The following ROBO1 variants were observed in gnomAD, a reference collection of about 807,000 sequenced individuals.
ROBO1 encodes roundabout guidance receptor 1.
ROBO1 carries 149 observed loss-of-function variants against 195.9 expected under a neutral mutation model. The ratio of observed to expected loss-of-function variants is 0.76; its 90% CI spans 0.67 to 0.87. The LOEUF is 0.87. Among genes scored for constraint, ROBO1 ranks in the 40% least tolerant of loss-of-function variants. ROBO1 has a pLI of 0.00. For missense variants in ROBO1, 1,933 were observed against 2,068.3 expected (o/e 0.93, Z 1.27); for synonymous variants, 816 against 733.2 (o/e 1.11, Z -1.82).
At chr3:79,149,086 G>C (rs1029252092) in intron 2 of ROBO1, among the ~76,000 whole-genome samples, 3 of 151,820 alleles carry the variant, frequency 2.0e-5, no homozygotes, top group Non-Finnish European at 2.9e-5. Flanking sequence ...CCTCAATGTT[G>C]AGAGTACTTA....
chr3:79,724,923 G>A (rs1158515493), intron 1 of ROBO1, among the ~76,000 whole-genome samples: 1 of 152,134 alleles, frequency 6.6e-6, no homozygotes, highest in African/African-American at 2.4e-5. Context: ...CTGAAGTGAT[G>A]GAACCCTATC....
intron 4 of ROBO1, among the ~76,000 whole-genome samples, chr3:78,913,258 A>C (rs984011533): frequency 6.6e-6 from 1 of 152,098 alleles, no homozygotes; most frequent in African/African-American, 2.4e-5. Flanking sequence ...ATGATGAGAT[A>C]GTGAATTCTG....
intron 1 of ROBO1, among the ~76,000 whole-genome samples, chr3:79,668,830 A>G (rs1024403666): frequency 2.6e-5 from 4 of 151,840 alleles, no homozygotes; most frequent in African/African-American, 9.7e-5. Context: ...TTCGGCTTCA[A>G]AGAAAACGGG....
At chr3:79,470,556 C>T (rs1938216542) in intron 2 of ROBO1, among the ~76,000 whole-genome samples, 1 of 152,122 alleles carries the variant, frequency 6.6e-6, no homozygotes, top group African/African-American at 2.4e-5. Flanking sequence ...TGTGGTTAGG[C>T]TGTGTTCCCA....
chr3:78,729,971 G>T (rs2082250762), intron 5 of ROBO1, among the ~76,000 whole-genome samples: 1 of 152,080 alleles, frequency 6.6e-6, no homozygotes, highest in Admixed American at 6.5e-5. Flanking sequence ...CACAAAACCA[G>T]GTTTGCTTTT....
chr3:78,884,253 A>C (rs907776774), intron 4 of ROBO1, among the ~76,000 whole-genome samples: 10 of 152,176 alleles, frequency 6.6e-5, no homozygotes, highest in Non-Finnish European at 8.8e-5. Context: ...TAGTTACAGA[A>C]GCAATGCAGT....
At chr3:79,705,852 A>T (rs1445730028) in intron 1 of ROBO1, among the ~76,000 whole-genome samples, 1 of 151,998 alleles carries the variant, frequency 6.6e-6, no homozygotes, top group Non-Finnish European at 1.5e-5. Flanking sequence ...TCTATCACAG[A>T]GTTTTGTAGT....
At chr3:78,960,763 C>T (rs967912009) in intron 3 of ROBO1, among the ~76,000 whole-genome samples, 17 of 137,330 alleles carry the variant, frequency 1.2e-4, no homozygotes, top group African/African-American at 4.3e-4. Flanking sequence ...GGCAACGAAG[C>T]GAGACTCCGT....
rs535008461 is a variant in ROBO1 at position 78,867,648 on chromosome 3, T to C, written c.499+70953A>G. On this transcript the variant is annotated intron_variant, in intron 4 of 30. Transcript: ENST00000464233. ...GCAACTGATAGCCAGAAACAGAATT[T>C]TCTCCACGGAAGGGCATTTTGCTCC... is the stretch of plus-strand genomic sequence containing the variant. Among the ~76,000 whole-genome samples, 5 of 152,294 alleles carry C rather than the reference T, an allele frequency of 3.3e-5. No individual in the cohort carries two copies. In the South Asian group the frequency reaches 1.0e-3, roughly 32 times the overall value.
At chr3:78,607,653 G>A (rs1293904214) in intron 28 of ROBO1, among the ~76,000 whole-genome samples, 2 of 152,196 alleles carry the variant, frequency 1.3e-5, no homozygotes, top group African/African-American at 4.8e-5. Flanking sequence ...GTATGGTAGA[G>A]CTTCCTAATT....
chr3:79,613,758 T>C (rs1352953677), intron 1 of ROBO1, among the ~76,000 whole-genome samples: 1 of 152,058 alleles, frequency 6.6e-6, no homozygotes, highest in Non-Finnish European at 1.5e-5. Context: ...TTTAGACTGA[T>C]CAAATGTTAC....
chr3:79,341,828 C>A (rs1358701445), intron 2 of ROBO1, among the ~76,000 whole-genome samples: 3 of 151,962 alleles, frequency 2.0e-5, no homozygotes, highest in Admixed American at 2.0e-4. Flanking sequence ...AATAACATGC[C>A]GTTCCTACTT....
chr3:78,603,008 A>ACTC (rs1274203419), intron 29 of ROBO1, among the ~76,000 whole-genome samples: 1 of 151,868 alleles, frequency 6.6e-6, no homozygotes, highest in African/African-American at 2.4e-5. Context: ...TTTGATTTTG[A>ACTC]CTCTAAAAAG....
chr3:79,303,489 A>C (rs2033075333), intron 2 of ROBO1, among the ~76,000 whole-genome samples: 1 of 152,118 alleles, frequency 6.6e-6, no homozygotes, highest in African/African-American at 2.4e-5. Flanking sequence ...TGTGGTGAGA[A>C]TACTTGATAT....
chr3:78,603,832 C>T (rs947645574), intron 29 of ROBO1, among the ~76,000 whole-genome samples: 4 of 151,908 alleles, frequency 2.6e-5, no homozygotes, highest in African/African-American at 7.3e-5. Flanking sequence ...ATCAGTGTAC[C>T]TCAGTGATTT....
chr3:79,486,550 TG>T (rs971188942), intron 2 of ROBO1, among the ~76,000 whole-genome samples: 2 of 152,136 alleles, frequency 1.3e-5, no homozygotes, highest in African/African-American at 4.8e-5. Context: ...TATAGCTTAA[TG>T]GGGAAAAAGG....
intron 28 of ROBO1, among the ~76,000 whole-genome samples, chr3:78,611,484 C>T (rs1023021455): frequency 6.6e-6 from 1 of 152,168 alleles, no homozygotes; most frequent in Non-Finnish European, 1.5e-5. Flanking sequence ...CTGGGTTCAA[C>T]TTGTAAGAGG....
chr3:78,904,391 GTAC>G (rs1219796444), intron 4 of ROBO1, among the ~76,000 whole-genome samples: 2 of 151,922 alleles, frequency 1.3e-5, no homozygotes. Flanking sequence ...TTCATGACAG[GTAC>G]TACATCAGAC....
chr3:78,890,741 C>A (rs1390143755), intron 4 of ROBO1, among the ~76,000 whole-genome samples: 1 of 152,096 alleles, frequency 6.6e-6, no homozygotes, highest in South Asian at 2.1e-4. Flanking sequence ...GGCTTCATTT[C>A]GTGTTTTTAT....
Sources: gnomAD v4.1 joint callset for allele counts (sites outside exome capture counted in the v4.1 genomes callset) on GRCh38, gnomAD v4.1.1 for gene constraint, MANE v1.5 for transcripts, NCBI Gene and HGNC (gene_info 2026-07-23, HGNC 2026-07-21) for gene names.